Variants in ABCB7 observed in about 807,000 individuals in gnomAD.
ABCB7 encodes iron-sulfur clusters transporter ABCB7, mitochondrial.
A neutral mutation model predicts 54.4 loss-of-function variants in ABCB7; 7 were observed. That is an observed-to-expected ratio of 0.13 (90% confidence interval 0.07 to 0.24). The LOEUF is 0.24. Among genes scored for constraint, ABCB7 ranks in the 10% least tolerant of loss-of-function variants. ABCB7 has a pLI of 1.00. For synonymous variants in ABCB7, 218 were observed against 207.1 expected (o/e 1.05, Z -0.45); for missense variants, 356 against 570.4 (o/e 0.62, Z 3.83).
chrX:75,125,530 C>T (rs1177631780), intron 1 of ABCB7, among the ~76,000 whole-genome samples: 1 of 111,660 alleles, frequency 9.0e-6, no homozygotes, highest in African/African-American at 3.2e-5. Flanking sequence ...TAGCAATCTA[C>T]TGCTCCCCTC....
intron 15 of ABCB7, among the ~76,000 whole-genome samples, chrX:75,054,529 T>A (rs2081219937): frequency 9.0e-6 from 1 of 111,089 alleles, no homozygotes; most frequent in Admixed American, 9.6e-5. Context: ...ATTTTATATT[T>A]ATTTTCTTAT....
chrX:75,145,052 C>G (rs1267960927), intron 1 of ABCB7, among the ~76,000 whole-genome samples: 1 of 110,187 alleles, frequency 9.1e-6, no homozygotes, highest in African/African-American at 3.3e-5. Flanking sequence ...AAATTGAATC[C>G]CTGAACAGAC....
intron 1 of ABCB7, among the ~76,000 whole-genome samples, chrX:75,133,718 T>C (rs2081990256): frequency 8.9e-6 from 1 of 111,989 alleles, no homozygotes; most frequent in South Asian, 3.7e-4. Flanking sequence ...AATAATTTAA[T>C]ATCCAGCCAA....
intron 1 of ABCB7, among the ~76,000 whole-genome samples, chrX:75,145,945 T>TA (rs1318471682): frequency 2.7e-5 from 3 of 110,473 alleles, no homozygotes; most frequent in Non-Finnish European, 5.7e-5. Context: ...AGGCCGGCTC[T>TA]AAAAAAATAA....
At chrX:75,092,442 G>A (rs2081551448) in intron 4 of ABCB7, among the ~76,000 whole-genome samples, 1 of 111,224 alleles carries the variant, frequency 9.0e-6, no homozygotes, top group South Asian at 3.7e-4. Context: ...ATAGATCATA[G>A]ACCAAAATGT....
At chrX:75,091,920 CAAA>C (rs1569228270) in intron 4 of ABCB7, among the ~76,000 whole-genome samples, 1 of 111,150 alleles carries the variant, frequency 9.0e-6, no homozygotes, top group African/African-American at 3.3e-5. Flanking sequence ...TGAAAGAAAT[CAAA>C]GAAGCTAAAT....
intron 1 of ABCB7, among the ~76,000 whole-genome samples, chrX:75,118,364 C>A (rs1017752739): frequency 9.1e-6 from 1 of 109,403 alleles, no homozygotes; most frequent in South Asian, 3.9e-4. Flanking sequence ...AAATATCAGC[C>A]GGCTAAAGTC....
In ABCB7 at chrX:75,112,925, A is replaced by T; in HGVS notation, c.294T>A (p.Gly98=). The change falls in exon 3 of 16, where the codon GGT becomes GGA. Residue 98 remains glycine (G), a synonymous_variant. Coordinates refer to ENST00000373394, the MANE Select transcript of ABCB7 (RefSeq NM_001271696.3). ...PLIEKRTCWH[G]HAGGGLHTDP... ...CTGTGTGGAGTCCTCCTCCTGCATG[A>T]CCATGCCAACATGTCCTCTTTTCTA... 4 of 1,211,037 alleles carry T rather than the reference A, an allele frequency of 3.3e-6. No homozygotes were observed. The highest frequency in any genetic ancestry group is 4.5e-6 in the Non-Finnish European group (4 of 895,130).
At position 75,112,578 on chromosome X, in the gene ABCB7, G is replaced by A. The variant is rs776358878; in HGVS notation, c.333+308C>T. ...CGCACACACACAAATTGTTTTTTAG[G>A]TGCTAAATCTAATTTGCTTACTTAT... On this transcript the variant is annotated intron_variant, in intron 3 of 15. Coordinates refer to ENST00000373394, the MANE Select transcript of ABCB7 (RefSeq NM_001271696.3). 2.7e-5 allele frequency among the ~76,000 whole-genome samples: 3 copies of A among 111,352 alleles called. No homozygotes were observed. The South Asian group carries it at 1.1e-3, about 42-fold the overall frequency.
rs559286631 is a variant in ABCB7 at position 75,124,354 on chromosome X, C to T, written c.169-9523G>A. 5.4e-4 allele frequency among the ~76,000 whole-genome samples: 60 copies of T among 111,932 alleles called. No individual in the cohort carries two copies. The South Asian group carries it at 0.022, about 41-fold the overall frequency. ...CTATTTAAAAGACAGAAGAAAAGGT[C>T]CTGACAAAAGTTTTTTTATGTTTGT... On this transcript the variant is annotated intron_variant, in intron 1 of 15. Coordinates refer to ENST00000373394, the MANE Select transcript of ABCB7 (RefSeq NM_001271696.3).
chrX:75,086,971 G>C (rs1211704708), intron 4 of ABCB7, among the ~76,000 whole-genome samples: 2 of 111,749 alleles, frequency 1.8e-5, no homozygotes, highest in Admixed American at 1.9e-4. Flanking sequence ...GCAACTCCTG[G>C]AAGTTGCTTT....
intron 4 of ABCB7, among the ~76,000 whole-genome samples, chrX:75,096,565 G>T (rs2081593353): frequency 9.0e-6 from 1 of 111,081 alleles, no homozygotes; most frequent in Admixed American, 9.6e-5. Context: ...TCACTAATTT[G>T]CATTGTTTCA....
At chrX:75,055,010 G>C (rs2081225539) in intron 15 of ABCB7, among the ~76,000 whole-genome samples, 1 of 111,512 alleles carries the variant, frequency 9.0e-6, no homozygotes, top group Non-Finnish European at 1.9e-5. Context: ...GGACTTTTTA[G>C]ATAAATTCTC....
At chrX:75,119,334 T>A (rs768319654) in intron 1 of ABCB7, among the ~76,000 whole-genome samples, 1 of 112,000 alleles carries the variant, frequency 8.9e-6, no homozygotes, top group Admixed American at 9.4e-5. Flanking sequence ...TTGTGGAAGG[T>A]TTGTGAAAAA....
intron 1 of ABCB7, among the ~76,000 whole-genome samples, chrX:75,119,407 G>A (rs1009980889): frequency 1.3e-4 from 15 of 112,102 alleles, no homozygotes; most frequent in African/African-American, 4.5e-4. Context: ...GGTATTATTC[G>A]GTTTTTCCGT....
intron 1 of ABCB7, among the ~76,000 whole-genome samples, chrX:75,131,074 C>T (rs2081970497): frequency 9.2e-6 from 1 of 109,156 alleles, no homozygotes; most frequent in Non-Finnish European, 1.9e-5. Context: ...ATAATATATT[C>T]TAAATGAATC....
intron 4 of ABCB7, among the ~76,000 whole-genome samples, chrX:75,088,170 A>G (rs1226547028): frequency 1.8e-5 from 2 of 112,286 alleles, no homozygotes; most frequent in Non-Finnish European, 3.8e-5. Context: ...TCTGACACCT[A>G]CAGCTACAGC....
At chrX:75,070,961 C>A (rs1569220258) in intron 9 of ABCB7, among the ~76,000 whole-genome samples, 1 of 110,271 alleles carries the variant, frequency 9.1e-6, no homozygotes, top group Non-Finnish European at 1.9e-5. Flanking sequence ...ACAACAACAA[C>A]AACAAAATGT....
chrX:75,058,032 T>A (rs1405341579), intron 15 of ABCB7, among the ~76,000 whole-genome samples: 1 of 110,852 alleles, frequency 9.0e-6, no homozygotes, highest in African/African-American at 3.3e-5. Context: ...CTTGCTAAGG[T>A]TAGGAAGGAG....
Sources: gnomAD v4.1 joint callset for allele counts (sites outside exome capture counted in the v4.1 genomes callset) on GRCh38, gnomAD v4.1.1 for gene constraint, MANE v1.5 for transcripts, NCBI Gene and HGNC (gene_info 2026-07-23, HGNC 2026-07-21) for gene names.